Variants in NEMF observed in about 807,000 individuals in gnomAD.
The protein encoded by NEMF is nuclear export mediator factor, also known as ribosome quality control complex subunit NEMF.
A neutral mutation model predicts 162.2 loss-of-function variants in NEMF; 89 were observed. The ratio of observed to expected loss-of-function variants is 0.55; its 90% CI spans 0.46 to 0.65. The LOEUF is 0.65. Among genes scored for constraint, NEMF ranks in the 30% least tolerant of loss-of-function variants. NEMF has a pLI of 0.00. For missense variants in NEMF, 1,133 were observed against 1,261.9 expected (o/e 0.90, Z 1.55); for synonymous variants, 421 against 404.5 (o/e 1.04, Z -0.49).
At chr14:49,838,029 C>T (rs1466415818) in intron 6 of NEMF, 110 bp downstream of exon 6, 3 of 766,800 alleles carry the variant, frequency 3.9e-6, no homozygotes, top group South Asian at 2.1e-5. Flanking sequence ...CCTACTTACT[C>T]CAAGGATCAC....
At chr14:49,799,903 G>A (rs1486923668) in intron 23 of NEMF, among the ~76,000 whole-genome samples, 1 of 152,148 alleles carries the variant, frequency 6.6e-6, no homozygotes, top group Non-Finnish European at 1.5e-5. Context: ...GTCAGGCACT[G>A]CCAGATGGTA....
intron 4 of NEMF, among the ~76,000 whole-genome samples, 164 bp from the exon 5 acceptor site, chr14:49,841,030 C>T (rs576434344): frequency 1.4e-4 from 21 of 151,704 alleles, no homozygotes; most frequent in African/African-American, 5.1e-4. Flanking sequence ...AATTCCATCT[C>T]TACTAAAAAT....
At chr14:49,818,047 T>C (rs973120411) in intron 16 of NEMF, among the ~76,000 whole-genome samples, 5 of 151,096 alleles carry the variant, frequency 3.3e-5, no homozygotes, top group African/African-American at 9.7e-5. Context: ...TACAACCAAA[T>C]TTTGAAAGCT....
intron 11 of NEMF, among the ~76,000 whole-genome samples, chr14:49,830,261 G>T (rs1167026280): frequency 2.6e-5 from 4 of 152,138 alleles, no homozygotes; most frequent in Non-Finnish European, 5.9e-5. Context: ...CAGTTTACTA[G>T]CCAAAGTGCT....
At chr14:49,831,955 AG>A (rs1892658861) in intron 10 of NEMF, 95 bp downstream of exon 10, 1 of 756,812 alleles carries the variant, frequency 1.3e-6, no homozygotes, top group African/African-American at 1.8e-5. Flanking sequence ...GTGAATGTAA[AG>A]CAAGTATAGT....
At chr14:49,803,209 A>G in intron 20 of NEMF, 28 bp downstream of exon 20, 4 of 1,479,444 alleles carry the variant, frequency 2.7e-6, no homozygotes, top group Non-Finnish European at 3.8e-6. Flanking sequence ...TGACAAGTCT[A>G]GTGATATTTT....
chr14:49,814,968 ATTTT>A (rs922873929), intron 16 of NEMF, 111 bp from the exon 17 acceptor site: 2 of 642,656 alleles, frequency 3.1e-6, no homozygotes, highest in Admixed American at 3.5e-5. Context: ...TGATGGTTTA[ATTTT>A]TTTAAGGCAT....
intron 5 of NEMF, among the ~76,000 whole-genome samples, chr14:49,838,903 C>A (rs2355463): frequency 6.6e-6 from 1 of 151,528 alleles, no homozygotes; most frequent in Non-Finnish European, 1.5e-5. Flanking sequence ...CAACTTTTAA[C>A]AATGCTGTAC....
intron 15 of NEMF, 22 bp downstream of exon 15, chr14:49,828,269 C>T (rs760416119): frequency 5.2e-6 from 8 of 1,532,680 alleles, no homozygotes; most frequent in Non-Finnish European, 7.2e-6. Flanking sequence ...AACTAACATT[C>T]ACTCTAAGAA....
chr14:49,834,159 C>T, intron 7 of NEMF: 1 of 585,096 alleles, frequency 1.7e-6, no homozygotes, highest in South Asian at 1.7e-5. Context: ...TGTGCAGTCA[C>T]CACCCACTGC....
At chr14:49,797,743 T>C (rs1890757189) in intron 25 of NEMF, among the ~76,000 whole-genome samples, 1 of 152,252 alleles carries the variant, frequency 6.6e-6, no homozygotes, top group South Asian at 2.1e-4. Context: ...CTAGTCTATG[T>C]AATACACTGA....
At chr14:49,828,482 T>A (rs1383288289) in intron 14 of NEMF, 128 bp from the exon 15 acceptor site, 2 of 1,001,904 alleles carry the variant, frequency 2.0e-6, no homozygotes, top group Non-Finnish European at 2.9e-6. Context: ...TTAACAAAAC[T>A]AAATTTAAAA....
In NEMF at chr14:49,806,122, G is replaced by T. The variant is rs1230689510; in HGVS notation, c.1756C>A (p.Pro586Thr). Residue 586 changes from proline to threonine, a missense_variant, in exon 19 of 33, where the codon CCC (proline) becomes ACC (threonine). Physicochemically the swap from Pro to Thr is conservative, Grantham distance 38 (BLOSUM62 -1). Coordinates refer to ENST00000298310, the MANE Select transcript of NEMF (RefSeq NM_004713.6). ...CCAGCTTCAGTCAAGGTCCGTGGGG[G>T]GATGGGTTCTCCTAGAATAACAATG... The part of the protein sequence containing the change: ...VIKNPTGEPI[P>T]PRTLTEAGTM... 6.2e-7 allele frequency: 1 copy of T among 1,610,164 alleles called. No homozygotes were observed. Among genetic ancestry groups the T allele is most frequent in the Non-Finnish European group, 8.5e-7 (1 of 1,178,566 alleles).
chr14:49,814,861 T>A lies in NEMF; in HGVS notation c.1578-4A>T. ...GAACCACAGAAATTTCTCAAACCTA[T>A]CAAAATGAAAGAAAAAAAGTTAACT... On this transcript the variant is annotated splice_region_variant and splice_polypyrimidine_tract_variant and intron_variant, in intron 16 of 32. Transcript: ENST00000298310. 1 of 1,524,388 alleles carries A rather than the reference T, an allele frequency of 6.6e-7. No individual in the cohort carries two copies. Among genetic ancestry groups the A allele is most frequent in the Non-Finnish European group, 8.9e-7 (1 of 1,126,340 alleles). The allele number at this position is 1,524,388 out of a possible 1,614,324, so 94.4% of individuals were successfully genotyped here.
chr14:49,851,843 T>A lies in NEMF; in HGVS notation c.92A>T (p.Asp31Val). 2 of 1,588,546 alleles carry A rather than the reference T, an allele frequency of 1.3e-6. No individual in the cohort carries two copies. Among genetic ancestry groups the A allele is most frequent in the Non-Finnish European group, 1.7e-6 (2 of 1,163,496 alleles). The change falls in exon 2 of 33, where the codon GAT becomes GTT. Residue 31 changes from aspartate to valine, a missense_variant. By Grantham distance (152) the Asp-to-Val change is radical. This residue lies in a region of NEMF where 582 missense variants were observed against 631.5 expected (regional missense o/e 0.92). Coordinates refer to ENST00000298310, the MANE Select transcript of NEMF (RefSeq NM_004713.6). Reference protein sequence around the residue: ...LLGMRVNNVYDVDNKTYLIRL... With the variant: ...LLGMRVNNVYVVDNKTYLIRL... ...AATAAGGTATGTCTTATTATCCACA[T>A]CATAAACATTGTTTACTCTCATTCC...
At chr14:49,790,790 G>A (rs913836713) in intron 26 of NEMF, among the ~76,000 whole-genome samples, 1 of 152,104 alleles carries the variant, frequency 6.6e-6, no homozygotes, top group Non-Finnish European at 1.5e-5. Flanking sequence ...AGGAGTTCAA[G>A]ACCAGCCTGA....
intron 16 of NEMF, among the ~76,000 whole-genome samples, chr14:49,822,184 C>A (rs1261587394): frequency 6.6e-6 from 1 of 151,992 alleles, no homozygotes; most frequent in African/African-American, 2.4e-5. Flanking sequence ...CCTAGGAAAA[C>A]CAGAGACCTT....
At chr14:49,845,799 T>A (rs1893470415) in intron 4 of NEMF, among the ~76,000 whole-genome samples, 1 of 152,230 alleles carries the variant, frequency 6.6e-6, no homozygotes, top group African/African-American at 2.4e-5. Context: ...GACTGAAACA[T>A]CACTATACAT....
intron 6 of NEMF, among the ~76,000 whole-genome samples, chr14:49,836,461 G>A (rs1405750085): frequency 1.3e-5 from 2 of 152,034 alleles, no homozygotes; most frequent in East Asian, 3.9e-4. Context: ...AGACCAACCT[G>A]GACAACATGG....
Sources: gnomAD v4.1 joint callset for allele counts (sites outside exome capture counted in the v4.1 genomes callset) on GRCh38, gnomAD v4.1.1 for gene constraint, gnomAD v4.1.1 regional missense constraint, MANE v1.5 for transcripts, NCBI Gene and HGNC (gene_info 2026-07-23, HGNC 2026-07-21) for gene names.